Variants in AADACL4 observed in about 807,000 individuals in gnomAD.
AADACL4 encodes the protein arylacetamide deacetylase-like 4.
AADACL4 carries 9 observed loss-of-function variants against 14.1 expected under a neutral mutation model. That is an observed-to-expected ratio of 0.64 (90% confidence interval 0.39 to 1.12). The LOEUF (loss-of-function observed/expected upper bound fraction) is 1.12. AADACL4 is among the 50% of genes most tolerant of loss of function. The pLI, the probability that AADACL4 is intolerant of heterozygous loss-of-function variation, is 0.01. For synonymous variants in AADACL4, 188 were observed against 201.6 expected, an observed-to-expected ratio of 0.93 and a Z score of 0.57; for missense variants, 531 against 516.1, an observed-to-expected ratio of 1.03 and a Z score of -0.28.
At chr1:12,660,344 C>T (rs1357050267) in intron 2 of AADACL4, among the ~76,000 whole-genome samples, 1 of 152,148 alleles carries the variant, frequency 6.6e-6, no homozygotes, top group Non-Finnish European at 1.5e-5. Flanking sequence ...TTCTGTATGG[C>T]TGAGTGTTGT....
intron 2 of AADACL4, among the ~76,000 whole-genome samples, chr1:12,655,285 G>T (rs940257749): frequency 6.6e-6 from 1 of 152,150 alleles, no homozygotes; most frequent in Non-Finnish European, 1.5e-5. Context: ...TTAGGAGAGA[G>T]TAACTGGCCC....
At chr1:12,646,864 G>A (rs1383023915) in intron 1 of AADACL4, among the ~76,000 whole-genome samples, 1 of 152,144 alleles carries the variant, frequency 6.6e-6, no homozygotes, top group Non-Finnish European at 1.5e-5. Context: ...TGATGATGAG[G>A]ATGAGGACAT....
chr1:12,664,265 C>T (rs1647276505), intron 3 of AADACL4, among the ~76,000 whole-genome samples: 1 of 152,182 alleles, frequency 6.6e-6, no homozygotes, highest in African/African-American at 2.4e-5. Flanking sequence ...TTGAAAGCCA[C>T]TAGTCTAAGG....
Position 12,644,407 on chromosome 1 carries a change from T to G in AADACL4, c.-140T>G. 1.1e-6 allele frequency: 1 copy of G among 936,246 alleles called. No homozygotes were observed. Among genetic ancestry groups the G allele is most frequent in the Non-Finnish European group, 1.6e-6 (1 of 634,650 alleles). The allele number at this position is 936,246 out of a possible 1,614,324, so 58.0% of individuals were successfully genotyped here. A position where few individuals can be genotyped will look rare whatever the true frequency, so the allele number is the denominator to read the frequency against. ...TTTGTGCTTACCCTGAGAAGCTGTGTCAGGCCACTGTGTCAGGTGTCAGGC... is the reference window on the plus strand; with the variant it reads ...TTTGTGCTTACCCTGAGAAGCTGTGGCAGGCCACTGTGTCAGGTGTCAGGC... On this transcript the variant is annotated 5_prime_UTR_variant, in exon 1 of 4. Transcript: ENST00000376221.
chr1:12,649,451 C>T (rs1448588918), intron 1 of AADACL4, among the ~76,000 whole-genome samples: 1 of 152,174 alleles, frequency 6.6e-6, no homozygotes, highest in Non-Finnish European at 1.5e-5. Context: ...AAGATCCATG[C>T]TGGTACAACA....
chr1:12,657,140 C>CA (rs59777423), intron 2 of AADACL4, among the ~76,000 whole-genome samples: 3,997 of 50,044 alleles, frequency 0.08, 149 homozygotes, highest in African/African-American at 0.093. Flanking sequence ...AAGACTGTCT[C>CA]AAAAAAAAAA....
At chr1:12,665,637 C>T (rs957929085) in intron 3 of AADACL4, among the ~76,000 whole-genome samples, 4 of 152,214 alleles carry the variant, frequency 2.6e-5, no homozygotes, top group Non-Finnish European at 5.9e-5. Flanking sequence ...GTAGTGGTTT[C>T]ATTTGCCTTT....
chr1:12,654,884 C>T (rs148441518), intron 2 of AADACL4, among the ~76,000 whole-genome samples: 2,829 of 152,308 alleles, frequency 0.019, 38 homozygotes, highest in Non-Finnish European at 0.028. Flanking sequence ...TAATTACCCA[C>T]AGGTGTGTTG....
intron 2 of AADACL4, among the ~76,000 whole-genome samples, chr1:12,653,139 C>G (rs542585156): frequency 5.9e-5 from 9 of 152,252 alleles, no homozygotes; most frequent in Non-Finnish European, 7.4e-5. Flanking sequence ...CTCTGGATGC[C>G]TAGCCTATGG....
At chr1:12,659,503 A>G (rs1436593873) in intron 2 of AADACL4, among the ~76,000 whole-genome samples, 1 of 152,198 alleles carries the variant, frequency 6.6e-6, no homozygotes, top group Non-Finnish European at 1.5e-5. Flanking sequence ...TAATCAAGAT[A>G]AGTAATATTT....
Position 12,644,301 on chromosome 1 carries a change from C to A in AADACL4, c.-246C>A, listed in dbSNP as rs961006743. 2.6e-5 allele frequency among the ~76,000 whole-genome samples: 4 copies of A among 152,228 alleles called. No individual in the cohort carries two copies. Among genetic ancestry groups the A allele is most frequent in the African/African-American group, 9.6e-5 (4 of 41,464 alleles). ...TCTTTGGGAAGCTCACCTTCCAAGA[C>A]TCCCCATGATGAGCAGTATTGATTT... On this transcript the variant is annotated 5_prime_UTR_variant, in exon 1 of 4. Coordinates refer to ENST00000376221, the MANE Select transcript of AADACL4 (RefSeq NM_001013630.2).
intron 2 of AADACL4, among the ~76,000 whole-genome samples, chr1:12,659,763 C>T (rs1389368619): frequency 6.6e-6 from 1 of 152,192 alleles, no homozygotes; most frequent in African/African-American, 2.4e-5. Context: ...CTGCTTCAGC[C>T]TCCCGAGTAG....
chr1:12,647,301 G>A (rs529032755), intron 1 of AADACL4, among the ~76,000 whole-genome samples: 7 of 152,108 alleles, frequency 4.6e-5, no homozygotes, highest in East Asian at 1.9e-4. Flanking sequence ...GTCTTGCTAC[G>A]TTGCCAAGGC....
In AADACL4 at chr1:12,666,496, G is replaced by C; in HGVS notation, c.985G>C (p.Asp329His). The change falls in exon 4 of 4, where the codon GAT becomes CAT. Residue 329 changes from aspartate (D) to histidine (H), a missense_variant. Coordinates refer to ENST00000376221, the MANE Select transcript of AADACL4 (RefSeq NM_001013630.2). ...TGTAGAAAATTCACCCCTGATAGCA[G>C]ATGATGAGGTCATCGCTCAGCTTCC... Reference protein sequence around the residue: ...LDVENSPLIADDEVIAQLPEA... With the variant: ...LDVENSPLIAHDEVIAQLPEA... 1.2e-6 allele frequency: 2 copies of C among 1,614,200 alleles called. No homozygotes were observed. Among genetic ancestry groups the C allele is most frequent in the Non-Finnish European group, 1.7e-6 (2 of 1,180,044 alleles).
intron 3 of AADACL4, among the ~76,000 whole-genome samples, chr1:12,663,963 A>G (rs910822765): frequency 6.6e-6 from 1 of 152,242 alleles, no homozygotes; most frequent in African/African-American, 2.4e-5. Flanking sequence ...GCACTAAATT[A>G]TGCTGCAATC....
rs1647336229 is a variant in AADACL4, at chr1:12,666,501, T to C, written c.990T>C (p.Asp330=). 1 of 1,614,070 alleles carries C rather than the reference T, an allele frequency of 6.2e-7. No individual in the cohort carries two copies. The highest frequency in any genetic ancestry group is 1.3e-5 in the African/African-American group (1 of 74,934). Reference sequence around the variant, plus strand: ...AAAATTCACCCCTGATAGCAGATGATGAGGTCATCGCTCAGCTTCCTGAGG... The same window carrying C: ...AAAATTCACCCCTGATAGCAGATGACGAGGTCATCGCTCAGCTTCCTGAGG... ...DVENSPLIAD[D]EVIAQLPEAF... Residue 330 remains aspartate (D), a synonymous_variant, in exon 4 of 4, where the codon GAT becomes GAC. Coordinates refer to ENST00000376221, the MANE Select transcript of AADACL4 (RefSeq NM_001013630.2).
At chr1:12,664,110 G>C (rs1001954969) in intron 3 of AADACL4, among the ~76,000 whole-genome samples, 1 of 152,150 alleles carries the variant, frequency 6.6e-6, no homozygotes, top group Non-Finnish European at 1.5e-5. Context: ...CAGCTATGGA[G>C]GTCAAAGAAG....
At chr1:12,662,251 C>A (rs1475146378) in intron 3 of AADACL4, among the ~76,000 whole-genome samples, 1 of 151,800 alleles carries the variant, frequency 6.6e-6, no homozygotes, top group South Asian at 2.1e-4. Context: ...ACGTTAAAAC[C>A]AAAAGAATAC....
chr1:12,660,170 A>G (rs1178796681), intron 2 of AADACL4, among the ~76,000 whole-genome samples: 1 of 152,114 alleles, frequency 6.6e-6, no homozygotes, highest in African/African-American at 2.4e-5. Flanking sequence ...CTGGTCTCAA[A>G]CTTCTGGGCT....
Sources: gnomAD v4.1 joint callset for allele counts (sites outside exome capture counted in the v4.1 genomes callset) on GRCh38, gnomAD v4.1.1 for gene constraint, MANE v1.5 for transcripts, NCBI Gene and HGNC (gene_info 2026-07-23, HGNC 2026-07-21) for gene names.